Variants in RNF220 observed in about 807,000 individuals in gnomAD.
RNF220 encodes the protein ring finger protein 220.
In RNF220, 7 loss-of-function variants were observed where a neutral mutation model predicts 67.1. The ratio of observed to expected loss-of-function variants is 0.10; its 90% CI spans 0.06 to 0.20. The LOEUF (loss-of-function observed/expected upper bound fraction) is 0.20. Ranked by LOEUF, RNF220 falls within the 10% of genes least tolerant of loss-of-function variation. RNF220 has a pLI of 1.00. For missense variants in RNF220, 565 were observed against 740.3 expected, an observed-to-expected ratio of 0.76 and a Z score of 2.75; for synonymous variants, 270 against 283.2, an observed-to-expected ratio of 0.95 and a Z score of 0.47.
At chr1:44,491,492 G>T (rs1349443631) in intron 2 of RNF220, among the ~76,000 whole-genome samples, 1 of 151,950 alleles carries the variant, frequency 6.6e-6, no homozygotes, top group Admixed American at 6.6e-5. Context: ...GAGAACAAAA[G>T]CTATATGATC....
At chr1:44,473,771 A>G (rs949663797) in intron 2 of RNF220, among the ~76,000 whole-genome samples, 2 of 152,142 alleles carry the variant, frequency 1.3e-5, no homozygotes, top group Admixed American at 1.3e-4. Context: ...ACTTCCACCT[A>G]ACTTACATGC....
intron 2 of RNF220, among the ~76,000 whole-genome samples, chr1:44,558,959 A>G (rs1001452596): frequency 1.3e-5 from 2 of 152,050 alleles, no homozygotes; most frequent in African/African-American, 4.8e-5. Context: ...TCTTTCCCTC[A>G]CAGCTGTTGT....
chr1:44,595,399 G>A (rs547217683), intron 2 of RNF220, among the ~76,000 whole-genome samples: 1 of 152,360 alleles, frequency 6.6e-6, no homozygotes, highest in East Asian at 1.9e-4. Context: ...CCTGCACCCT[G>A]AAGCTGGCAT....
intron 2 of RNF220, among the ~76,000 whole-genome samples, chr1:44,534,564 T>C (rs558484603): frequency 6.6e-6 from 1 of 152,344 alleles, no homozygotes; most frequent in Non-Finnish European, 1.5e-5. Context: ...TGACAAAGCA[T>C]TGGCATTTAA....
At chr1:44,511,003 A>G (rs962155155) in intron 2 of RNF220, among the ~76,000 whole-genome samples, 1 of 152,038 alleles carries the variant, frequency 6.6e-6, no homozygotes, top group African/African-American at 2.4e-5. Context: ...TGCAGAGAAC[A>G]CTCTCGCAGT....
At chr1:44,530,085 A>G (rs2148187679) in intron 2 of RNF220, among the ~76,000 whole-genome samples, 1 of 152,194 alleles carries the variant, frequency 6.6e-6, no homozygotes, top group South Asian at 2.1e-4. Flanking sequence ...TAAATAATAA[A>G]AAATAAGCAA....
chr1:44,489,291 A>G (rs1362711550), intron 2 of RNF220, among the ~76,000 whole-genome samples: 1 of 152,246 alleles, frequency 6.6e-6, no homozygotes, highest in Non-Finnish European at 1.5e-5. Context: ...TAGACTACAA[A>G]TAAGTAGCAT....
chr1:44,550,545 A>G (rs1662546238), intron 2 of RNF220, among the ~76,000 whole-genome samples: 1 of 152,170 alleles, frequency 6.6e-6, no homozygotes, highest in African/African-American at 2.4e-5. Context: ...AGGAATAAGA[A>G]ATGGGGAATC....
intron 2 of RNF220, among the ~76,000 whole-genome samples, chr1:44,596,973 A>T (rs1666542699): frequency 6.6e-6 from 1 of 152,210 alleles, no homozygotes; most frequent in South Asian, 2.1e-4. Context: ...ATTGAGAGAG[A>T]ACAAGCGAGT....
At chr1:44,604,009 G>T (rs1184557793) in intron 2 of RNF220, among the ~76,000 whole-genome samples, 2 of 152,242 alleles carry the variant, frequency 1.3e-5, no homozygotes, top group Non-Finnish European at 2.9e-5. Flanking sequence ...GAACCAGCAG[G>T]GGGTAAAGCA....
chr1:44,527,936 A>C lies in RNF220; in HGVS notation c.626-86229A>C, dbSNP rs1356522326. Among the ~76,000 whole-genome samples the C allele has an allele frequency of 1.1e-4, 16 of 147,240 alleles. No individual in the cohort carries two copies. The South Asian group carries it at 2.1e-3, about 20-fold the overall frequency. ...GCAAGACTCCATCCCAAAAAAAAAA[A>C]AAAAAAAAAAAAAAAGTTAAATGCA... On this transcript the variant is annotated intron_variant, in intron 2 of 14. Coordinates refer to ENST00000361799, the MANE Select transcript of RNF220 (RefSeq NM_018150.4).
intron 2 of RNF220, among the ~76,000 whole-genome samples, chr1:44,567,048 G>C (rs1242561701): frequency 6.6e-6 from 1 of 152,162 alleles, no homozygotes; most frequent in Non-Finnish European, 1.5e-5. Flanking sequence ...AGAGAAGAAT[G>C]GATGGAGAAT....
intron 2 of RNF220, among the ~76,000 whole-genome samples, chr1:44,502,466 A>G (rs1248135456): frequency 6.6e-6 from 1 of 152,136 alleles, no homozygotes; most frequent in South Asian, 2.1e-4. Context: ...ACATGTAATA[A>G]CCATCTGCAT....
chr1:44,474,283 G>A (rs1300412725), intron 2 of RNF220, among the ~76,000 whole-genome samples: 1 of 151,814 alleles, frequency 6.6e-6, no homozygotes, highest in Non-Finnish European at 1.5e-5. Context: ...GCTGAGGCAG[G>A]AGAATCGCTT....
rs1164737884 is a variant in RNF220 at position 44,649,331 on chromosome 1, G to A, written c.1446-330G>A. ...TGGAATTGGTGGAAGACATCTGAGA[G>A]CCTGGACTCATGGTGGTGAGGAGAG... On this transcript the variant is annotated intron_variant, in intron 12 of 14. Coordinates refer to ENST00000361799, the MANE Select transcript of RNF220 (RefSeq NM_018150.4). The surrounding 1 kb of genome is among the most constrained non-coding windows in gnomAD (Gnocchi z 5.9). The A allele has an allele frequency of 2.7e-6, 1 of 375,948 alleles. No homozygotes were observed. The highest frequency in any genetic ancestry group is 2.1e-5 in the African/African-American group (1 of 47,710). The allele number at this position is 375,948 out of a possible 1,614,324, so 23.3% of individuals were successfully genotyped here. A position where few individuals can be genotyped will look rare whatever the true frequency, so the allele number is the denominator to read the frequency against.
chr1:44,508,780 C>T (rs1466549719), intron 2 of RNF220, among the ~76,000 whole-genome samples: 4 of 152,204 alleles, frequency 2.6e-5, no homozygotes, highest in African/African-American at 4.8e-5. Flanking sequence ...TTTAGACCCT[C>T]GTGGTGGAAA....
At chr1:44,620,431 G>C (rs1054624621) in intron 3 of RNF220, among the ~76,000 whole-genome samples, 22 of 152,336 alleles carry the variant, frequency 1.4e-4, no homozygotes, top group African/African-American at 4.6e-4. Flanking sequence ...TTGTACAGTA[G>C]ATACCTCATT....
chr1:44,457,150 C>G (rs1653274973), intron 2 of RNF220, among the ~76,000 whole-genome samples: 1 of 152,248 alleles, frequency 6.6e-6, no homozygotes, highest in Non-Finnish European at 1.5e-5. Context: ...ACCTTCCTCT[C>G]TCCTCTTCCT....
chr1:44,611,503 C>T (rs558736539), intron 2 of RNF220, among the ~76,000 whole-genome samples: 1 of 152,322 alleles, frequency 6.6e-6, no homozygotes, highest in East Asian at 1.9e-4. Context: ...CCTCTTTCTC[C>T]ATTCTCCTGT....
Sources: gnomAD v4.1 joint callset for allele counts (sites outside exome capture counted in the v4.1 genomes callset) on GRCh38, gnomAD v4.1.1 for gene constraint, Gnocchi (gnomAD v3.1) non-coding constraint, MANE v1.5 for transcripts, NCBI Gene and HGNC (gene_info 2026-07-23, HGNC 2026-07-21) for gene names.